The following MACC1 variants were observed in gnomAD, a reference collection of about 807,000 sequenced individuals.
MACC1 encodes the protein MET transcriptional regulator MACC1.
Under a neutral mutation model 70.7 loss-of-function variants are expected in MACC1, and 79 were observed. The ratio of observed to expected loss-of-function variants is 1.12; its 90% CI spans 0.93 to 1.35. The LOEUF (loss-of-function observed/expected upper bound fraction) is 1.35. MACC1 is among the 40% of genes most tolerant of loss of function. MACC1 has a pLI of 0.00. For synonymous variants in MACC1, 361 were observed against 347.2 expected, an observed-to-expected ratio of 1.04 and a Z score of -0.44; for missense variants, 1,106 against 978.1, an observed-to-expected ratio of 1.13 and a Z score of -1.74.
intron 1 of MACC1, among the ~76,000 whole-genome samples, chr7:20,192,899 G>A (rs1782694131): frequency 6.6e-6 from 1 of 152,210 alleles, no homozygotes; most frequent in Non-Finnish European, 1.5e-5. Flanking sequence ...CAGGATTTGA[G>A]GGAATGTCTT....
At chr7:20,169,568 A>C (rs935673020) in intron 2 of MACC1, among the ~76,000 whole-genome samples, 3 of 152,194 alleles carry the variant, frequency 2.0e-5, no homozygotes, top group African/African-American at 7.2e-5. Context: ...TGCTTCCTAG[A>C]ACACTTGACA....
chr7:20,145,847 A>G (rs1262231258), intron 6 of MACC1, among the ~76,000 whole-genome samples: 2 of 152,162 alleles, frequency 1.3e-5, no homozygotes, highest in Non-Finnish European at 2.9e-5. Flanking sequence ...AATTGGGGGA[A>G]CTATGTTTTC....
intron 3 of MACC1, among the ~76,000 whole-genome samples, chr7:20,162,513 T>C (rs1189051507): frequency 1.3e-5 from 2 of 152,114 alleles, no homozygotes; most frequent in Non-Finnish European, 2.9e-5. Context: ...CAAAAGTAAC[T>C]GCACTACCTA....
chr7:20,205,014 A>G (rs1293868924), intron 1 of MACC1, among the ~76,000 whole-genome samples: 1 of 152,230 alleles, frequency 6.6e-6, no homozygotes, highest in Non-Finnish European at 1.5e-5. Flanking sequence ...ATGGTTATCA[A>G]TGAGCAAGTT....
At chr7:20,203,277 G>A (rs1782858759) in intron 1 of MACC1, among the ~76,000 whole-genome samples, 1 of 152,172 alleles carries the variant, frequency 6.6e-6, no homozygotes, top group Non-Finnish European at 1.5e-5. Flanking sequence ...AGGGATACAA[G>A]TGCGTATCTC....
chr7:20,209,943 C>A (rs1354727081), intron 1 of MACC1, among the ~76,000 whole-genome samples: 2 of 152,194 alleles, frequency 1.3e-5, no homozygotes, highest in African/African-American at 4.8e-5. Flanking sequence ...ATTTTCCCTG[C>A]TGGCACTCAT....
Position 20,159,182 on chromosome 7 carries a change from G to A in MACC1, c.1179C>T (p.His393=). The change falls in exon 5 of 7, where the codon CAC becomes CAT. Residue 393 remains histidine (H), a synonymous_variant. Coordinates refer to ENST00000400331, the MANE Select transcript of MACC1 (RefSeq NM_182762.4). ...SFTVVLTVCG[H]NYMPGQLTIS... ...TTGTAAGCTGTCCTGGCATATAATT[G>A]TGTCCACAAACTGTTAAAACAACAG... 2 of 1,613,926 alleles carry A rather than the reference G, an allele frequency of 1.2e-6. No homozygotes were observed. The highest frequency in any genetic ancestry group is 1.7e-6 in the Non-Finnish European group (2 of 1,179,972).
intron 2 of MACC1, among the ~76,000 whole-genome samples, chr7:20,165,000 G>T (rs1782193094): frequency 6.6e-6 from 1 of 151,980 alleles, no homozygotes; most frequent in Admixed American, 6.6e-5. Context: ...TGGAATGTAG[G>T]TAGAAGTCCT....
rs1039623109 is a variant in MACC1, at chr7:20,140,378, T to C, written c.*568A>G. On this transcript the variant is annotated 3_prime_UTR_variant, in exon 7 of 7. Transcript: ENST00000400331. ...CTTCTGAGTTTCTCCCCATGAAAAA[T>C]GGGGGTGATGCTGGTGAACCCCACT... 1 of 152,274 alleles carries C rather than the reference T, an allele frequency of 6.6e-6. No individual in the cohort carries two copies. Among genetic ancestry groups the C allele is most frequent in the Non-Finnish European group, 1.5e-5 (1 of 68,038 alleles). 9.4% of individuals were successfully genotyped at this position (152,274 alleles called of 1,614,324 possible).
At chr7:20,162,917 TA>T (rs1355299853) in intron 3 of MACC1, among the ~76,000 whole-genome samples, 3 of 152,054 alleles carry the variant, frequency 2.0e-5, no homozygotes, top group African/African-American at 7.2e-5. Flanking sequence ...ATGCAAATCC[TA>T]AAAAATAAAA....
chr7:20,154,525 G>T, intron 5 of MACC1, 144 bp from the exon 6 acceptor site: 1 of 838,596 alleles, frequency 1.2e-6, no homozygotes, highest in Non-Finnish European at 1.8e-6. Flanking sequence ...AGCTCAAGGA[G>T]TTGATTCACA....
chr7:20,184,510 A>T (rs1187008181), intron 1 of MACC1, among the ~76,000 whole-genome samples: 1 of 152,216 alleles, frequency 6.6e-6, no homozygotes, highest in African/African-American at 2.4e-5. Flanking sequence ...CTACTTCACT[A>T]AAAAATAGAA....
rs75835471 is a variant in MACC1 at position 20,162,555 on chromosome 7, T to C, written c.-8-685A>G. On this transcript the variant is annotated intron_variant, in intron 3 of 6. Transcript: ENST00000400331. ...ATCAGCATTTATCATAAATAGGCTC[T>C]AAGTAAGACAACATGGAAGTGGAAC... Among the ~76,000 whole-genome samples the C allele has an allele frequency of 3.4e-3, 517 of 152,210 alleles. 3 individuals carry two copies. Among genetic ancestry groups the C allele is most frequent in the African/African-American group, 0.012 (501 of 41,552 alleles).
At position 20,158,681 on chromosome 7, in the gene MACC1, CA is replaced by C. The variant is rs1327104840; in HGVS notation, c.1679del (p.Val560GlyfsTer2). 6.2e-7 allele frequency: 1 copy of C among 1,613,936 alleles called. No individual in the cohort carries two copies. Among genetic ancestry groups the C allele is most frequent in the Admixed American group, 1.7e-5 (1 of 60,014 alleles). On this transcript the variant is annotated frameshift_variant, in exon 5 of 7. Coordinates refer to ENST00000400331, the MANE Select transcript of MACC1 (RefSeq NM_182762.4). LOFTEE classifies it high-confidence loss of function. ...FSNYGVTLKA[V>X]LRQSKIDYFL... ...AGTAATCAATCTTGCTTTGTCTTAG[CA>C]CTGCCTTCAGGGTTACCCCATAGTT...
chr7:20,174,371 G>A (rs1000507245), intron 1 of MACC1, among the ~76,000 whole-genome samples: 2 of 152,070 alleles, frequency 1.3e-5, no homozygotes, highest in Non-Finnish European at 2.9e-5. Flanking sequence ...TGAATCTACT[G>A]TTTGAATTCA....
intron 1 of MACC1, among the ~76,000 whole-genome samples, chr7:20,175,891 C>A (rs1782384282): frequency 6.6e-6 from 1 of 151,972 alleles, no homozygotes; most frequent in South Asian, 2.1e-4. Flanking sequence ...AAAGCTGGAA[C>A]AATAATAAAA....
intron 2 of MACC1, among the ~76,000 whole-genome samples, chr7:20,165,695 T>C (rs1433224796): frequency 6.8e-6 from 1 of 146,744 alleles, no homozygotes; most frequent in East Asian, 2.1e-4. Flanking sequence ...CAAAACAGGA[T>C]TTTTTTTTTT....
At chr7:20,160,607 T>C in intron 4 of MACC1, among the ~76,000 whole-genome samples, 1 of 152,138 alleles carries the variant, frequency 6.6e-6, no homozygotes, top group East Asian at 1.9e-4. Context: ...GTATCATGTT[T>C]ACAAAAGCAA....
chr7:20,140,843 A>G lies in MACC1; in HGVS notation c.*103T>C. The G allele has an allele frequency of 1.3e-6, 1 of 775,508 alleles. No homozygotes were observed. The highest frequency in any genetic ancestry group is 1.7e-5 in the South Asian group (1 of 57,414). 48.0% of individuals were successfully genotyped at this position (775,508 alleles called of 1,614,324 possible). A position where few individuals can be genotyped will look rare whatever the true frequency, so the allele number is the denominator to read the frequency against. ...CACACACAGACACACACACACAGACACACACACACAGACACACAGAGACAC... is the reference window on the plus strand; with the variant it reads ...CACACACAGACACACACACACAGACGCACACACACAGACACACAGAGACAC... On this transcript the variant is annotated 3_prime_UTR_variant, in exon 7 of 7. Transcript: ENST00000400331.
Sources: gnomAD v4.1 joint callset for allele counts (sites outside exome capture counted in the v4.1 genomes callset) on GRCh38, gnomAD v4.1.1 for gene constraint, MANE v1.5 for transcripts, NCBI Gene and HGNC (gene_info 2026-07-23, HGNC 2026-07-21) for gene names.